C12orf56: variants seen among roughly 807,000 people sequenced by gnomAD.
C12orf56 encodes uncharacterized protein C12orf56.
Under a neutral mutation model 69.9 loss-of-function variants are expected in C12orf56, and 71 were observed. The ratio of observed to expected loss-of-function variants is 1.02; its 90% CI spans 0.84 to 1.24. The LOEUF is 1.24. Ranked by LOEUF, C12orf56 falls within the 50% of genes most tolerant of loss-of-function variation. The probability of loss-of-function intolerance (pLI) is 0.00; values close to 1 mark genes in which losing one functional copy is unlikely to be tolerated. For synonymous variants in C12orf56, 276 were observed against 274.1 expected (o/e 1.01, Z -0.07); for missense variants, 732 against 738.5 (o/e 0.99, Z 0.10).
rs1159664129 is a variant in C12orf56 at position 64,390,635 on chromosome 12, G to T, written c.-70C>A. 12 of 1,381,068 alleles carry T rather than the reference G, an allele frequency of 8.7e-6. No individual in the cohort carries two copies. Among genetic ancestry groups the T allele is most frequent in the Non-Finnish European group, 1.1e-5 (12 of 1,075,902 alleles). The allele number at this position is 1,381,068 out of a possible 1,614,324, so 85.6% of individuals were successfully genotyped here. ...CAGCTCGCCCTCTCCCCGCCCCCGC[G>T]CTGGAACCCGCGCGCCACAAAGCCG... On this transcript the variant is annotated 5_prime_UTR_variant, in exon 1 of 13. Coordinates refer to ENST00000543942, the MANE Select transcript of C12orf56 (RefSeq NM_001170633.2).
At chr12:64,360,824 A>G (rs2135960336) in intron 1 of C12orf56, among the ~76,000 whole-genome samples, 1 of 152,346 alleles carries the variant, frequency 6.6e-6, no homozygotes, top group South Asian at 2.1e-4. Flanking sequence ...CAGGAAACAT[A>G]GTTTTTTTTC....
chr12:64,388,421 T>C (rs2039822263), intron 1 of C12orf56, among the ~76,000 whole-genome samples: 1 of 152,102 alleles, frequency 6.6e-6, no homozygotes, highest in Non-Finnish European at 1.5e-5. Context: ...TATTTATTTT[T>C]ATTTTTGTAG....
chr12:64,362,744 C>T (rs1329138393), intron 1 of C12orf56, among the ~76,000 whole-genome samples: 2 of 151,312 alleles, frequency 1.3e-5, no homozygotes, highest in Non-Finnish European at 3.0e-5. Context: ...CAGGCTACTC[C>T]ATAAAAAAAT....
At position 64,319,939 on chromosome 12, in the gene C12orf56, C is replaced by T. The variant is rs1053682606; in HGVS notation, c.489-959G>A. Among the ~76,000 whole-genome samples the T allele has an allele frequency of 3.3e-5, 5 of 152,254 alleles. No individual in the cohort carries two copies. In the South Asian group the frequency reaches 8.3e-4, roughly 25 times the overall value. Reference sequence around the variant, plus strand: ...GTCTTTTTGTCTGTTTGTTACGGCTCGAGCTGAGCTTTCGCTCCCCGTCCA... The same window carrying T: ...GTCTTTTTGTCTGTTTGTTACGGCTTGAGCTGAGCTTTCGCTCCCCGTCCA... On this transcript the variant is annotated intron_variant, in intron 3 of 12. Coordinates refer to ENST00000543942, the MANE Select transcript of C12orf56 (RefSeq NM_001170633.2).
chr12:64,331,176 G>A lies in C12orf56; in HGVS notation c.416-144C>T, dbSNP rs61619829. 2.6e-3 allele frequency: 1,780 copies of A among 687,130 alleles called. 29 individuals carry two copies. The African/African-American group carries it at 0.029, about 11-fold the overall frequency. The allele number at this position is 687,130 out of a possible 1,614,324, so 42.6% of individuals were successfully genotyped here. Reference sequence around the variant, plus strand: ...TCCAAAATTGTAAGCTGGGTAGCACGATGGAGCAAAAAGAACTTTGACTTT... The same window carrying A: ...TCCAAAATTGTAAGCTGGGTAGCACAATGGAGCAAAAAGAACTTTGACTTT... On this transcript the variant is annotated intron_variant, in intron 2 of 12. Transcript: ENST00000543942.
chr12:64,331,154 A>C (rs2038925338), intron 2 of C12orf56, 122 bp from the exon 3 acceptor site: 2 of 860,472 alleles, frequency 2.3e-6, no homozygotes, highest in African/African-American at 3.5e-5. Context: ...TTGTAAGTCC[A>C]AAATTGTAAG....
chr12:64,349,738 G>A lies in C12orf56; in HGVS notation c.415+3156C>T, dbSNP rs551856763. Among the ~76,000 whole-genome samples, 15 of 152,260 alleles carry A rather than the reference G, an allele frequency of 9.9e-5. No homozygotes were observed. In the South Asian group the frequency reaches 3.1e-3, roughly 32 times the overall value. ...AGTGAAGTAACTCAGGAATGGAAAA[G>A]CAAACATTGTACATTTTCACTGATT... On this transcript the variant is annotated intron_variant, in intron 2 of 12. Transcript: ENST00000543942.
chr12:64,343,124 T>C (rs1312735266), intron 2 of C12orf56, among the ~76,000 whole-genome samples: 1 of 152,130 alleles, frequency 6.6e-6, no homozygotes, highest in Non-Finnish European at 1.5e-5. Flanking sequence ...TTCTTGGTTG[T>C]AGAGAGGGCC....
chr12:64,281,197 C>T (rs1019807741), intron 8 of C12orf56, among the ~76,000 whole-genome samples: 2 of 151,910 alleles, frequency 1.3e-5, no homozygotes, highest in African/African-American at 2.4e-5. Context: ...TGCTTGAACC[C>T]AGGGGGCGGA....
intron 12 of C12orf56, among the ~76,000 whole-genome samples, chr12:64,270,160 G>C (rs1338212734): frequency 6.6e-6 from 1 of 152,072 alleles, no homozygotes; most frequent in Non-Finnish European, 1.5e-5. Context: ...CACTTTGGGA[G>C]GCTGAGGTGG....
intron 4 of C12orf56, 106 bp from the exon 5 acceptor site, chr12:64,312,858 T>C (rs1384020803): frequency 4.1e-6 from 3 of 731,100 alleles, no homozygotes; most frequent in Non-Finnish European, 6.5e-6. Flanking sequence ...CCTCCTATAG[T>C]ACACGATTTG....
Position 64,276,993 on chromosome 12 carries a change from T to TAAAAAAAAAAAAAAAAA in C12orf56, c.1434+670_1434+686dup, listed in dbSNP as rs200351319. 7.5e-4 allele frequency among the ~76,000 whole-genome samples: 52 copies of TAAAAAAAAAAAAAAAAA among 69,206 alleles called. 5 individuals are homozygous for TAAAAAAAAAAAAAAAAA. Among genetic ancestry groups the TAAAAAAAAAAAAAAAAA allele is most frequent in the African/African-American group, 2.3e-3 (40 of 17,382 alleles). The allele number at this position is 69,206 out of a possible 152,430, so 45.4% of individuals were successfully genotyped here. On this transcript the variant is annotated intron_variant, in intron 9 of 12. Coordinates refer to ENST00000543942, the MANE Select transcript of C12orf56 (RefSeq NM_001170633.2). ...TGGGCAACAGAGTGAAACCCTTTCT[T>TAAAAAAAAAAAAAAAAA]AAAAAAAAAAAAAAAAAAAAAAATT...
intron 2 of C12orf56, among the ~76,000 whole-genome samples, chr12:64,335,692 A>G (rs975213762): frequency 3.3e-5 from 5 of 152,200 alleles, no homozygotes; most frequent in African/African-American, 1.2e-4. Flanking sequence ...TGTATACTAA[A>G]AAGAAAAGCA....
At chr12:64,313,274 A>AAAAAAAAGAAAGAAAGAAAGAAAGAAAG (rs762664621) in intron 4 of C12orf56, among the ~76,000 whole-genome samples, 1 of 81,424 alleles carries the variant, frequency 1.2e-5, no homozygotes, top group African/African-American at 4.7e-5. Flanking sequence ...AAAAAAAAAA[A>AAAAAAAAGAAAGAAAGAAAGAAAGAAAG]AAAGAAAGAA....
chr12:64,328,873 G>A (rs7488186), intron 3 of C12orf56, among the ~76,000 whole-genome samples: 67,327 of 149,866 alleles, frequency 0.45, 15,451 homozygotes, highest in African/African-American at 0.54. Context: ...AGATCAGCCC[G>A]GTCAACATGG....
At chr12:64,389,988 A>G (rs922996369) in intron 1 of C12orf56, among the ~76,000 whole-genome samples, 5 of 152,206 alleles carry the variant, frequency 3.3e-5, no homozygotes, top group Admixed American at 2.0e-4. Context: ...AGTGCCTGGC[A>G]CTGACTAGGT....
intron 9 of C12orf56, among the ~76,000 whole-genome samples, chr12:64,276,816 AG>A (rs1196078848): frequency 6.6e-6 from 1 of 151,598 alleles, no homozygotes; most frequent in East Asian, 1.9e-4. Context: ...TAACATGGCA[AG>A]ACCCCATCTC....
chr12:64,338,357 A>T (rs1334179825), intron 2 of C12orf56: 1 of 632,748 alleles, frequency 1.6e-6, no homozygotes, highest in East Asian at 3.7e-5. Flanking sequence ...GGTGGAGTTG[A>T]GATATATAAT....
chr12:64,379,927 CAAAAAAAAAAAAAAA>C (rs200293677), intron 1 of C12orf56, among the ~76,000 whole-genome samples: 77,380 of 114,582 alleles, frequency 0.68, 23,804 homozygotes, highest in Middle Eastern at 0.78. Flanking sequence ...ACTAAAAATA[CAAAAAAAAAAAAAAA>C]AAAAAAAAAG....
Sources: gnomAD v4.1 joint callset for allele counts (sites outside exome capture counted in the v4.1 genomes callset) on GRCh38, gnomAD v4.1.1 for gene constraint, MANE v1.5 for transcripts, NCBI Gene and HGNC (gene_info 2026-07-23, HGNC 2026-07-21) for gene names.